PTPRD: variants seen among roughly 807,000 people sequenced by gnomAD.
PTPRD encodes receptor-type tyrosine-protein phosphatase delta.
PTPRD carries 34 observed loss-of-function variants against 214.5 expected under a neutral mutation model. The ratio of observed to expected loss-of-function variants is 0.16; its 90% CI spans 0.12 to 0.21. The LOEUF (loss-of-function observed/expected upper bound fraction) is 0.21. Among genes scored for constraint, PTPRD ranks in the 10% least tolerant of loss-of-function variants. The pLI, the probability that PTPRD is intolerant of heterozygous loss-of-function variation, is 1.00. For missense variants in PTPRD, 2,545 were observed against 2,398.7 expected, an observed-to-expected ratio of 1.06 and a Z score of -1.27; for synonymous variants, 1,128 against 845.7, an observed-to-expected ratio of 1.33 and a Z score of -5.79.
intron 9 of PTPRD, among the ~76,000 whole-genome samples, chr9:9,378,486 G>A (rs191881614): frequency 6.6e-6 from 1 of 152,172 alleles, no homozygotes; most frequent in East Asian, 1.9e-4. Flanking sequence ...ATAAACATCT[G>A]TGTGCAGGTT....
chr9:9,825,033 T>C (rs2052232583), intron 5 of PTPRD, among the ~76,000 whole-genome samples: 2 of 152,030 alleles, frequency 1.3e-5, no homozygotes, highest in South Asian at 2.1e-4. Context: ...TATTTGTTAG[T>C]AGCCATTTAT....
chr9:9,293,686 G>A (rs914376662), intron 9 of PTPRD, among the ~76,000 whole-genome samples: 5 of 151,442 alleles, frequency 3.3e-5, no homozygotes, highest in African/African-American at 7.3e-5. Context: ...CAGTGGATGT[G>A]AATCTCAAAT....
At chr9:8,520,120 A>T (rs1310893325) in intron 20 of PTPRD, among the ~76,000 whole-genome samples, 1 of 152,198 alleles carries the variant, frequency 6.6e-6, no homozygotes, top group African/African-American at 2.4e-5. Context: ...AAGCAAATAC[A>T]AATATTGCTA....
chr9:9,828,042 T>G (rs1045321188), intron 5 of PTPRD, among the ~76,000 whole-genome samples: 3 of 152,132 alleles, frequency 2.0e-5, no homozygotes, highest in Non-Finnish European at 2.9e-5. Context: ...AGGAACACTT[T>G]TACACTGTTG....
At chr9:9,191,516 G>A (rs1410952380) in intron 9 of PTPRD, among the ~76,000 whole-genome samples, 1 of 152,040 alleles carries the variant, frequency 6.6e-6, no homozygotes. Flanking sequence ...TGCTATATTG[G>A]GGATAATTTG....
At chr9:9,992,908 C>A (rs1229578081) in intron 4 of PTPRD, among the ~76,000 whole-genome samples, 1 of 151,842 alleles carries the variant, frequency 6.6e-6, no homozygotes, top group Non-Finnish European at 1.5e-5. Flanking sequence ...ATGTTACAAA[C>A]CTGCACGTTG....
chr9:9,410,676 A>G (rs2075106091), intron 8 of PTPRD, among the ~76,000 whole-genome samples: 1 of 152,190 alleles, frequency 6.6e-6, no homozygotes, highest in African/African-American at 2.4e-5. Flanking sequence ...AAAAGACACC[A>G]TAAAGCAACC....
chr9:8,935,246 T>A (rs967096845), intron 11 of PTPRD, among the ~76,000 whole-genome samples: 2 of 152,074 alleles, frequency 1.3e-5, no homozygotes, highest in Non-Finnish European at 2.9e-5. Flanking sequence ...AATAAAAAAA[T>A]TCAGTAAAGT....
intron 8 of PTPRD, among the ~76,000 whole-genome samples, chr9:9,482,459 A>C (rs539710008): frequency 6.6e-6 from 1 of 152,264 alleles, no homozygotes; most frequent in African/African-American, 2.4e-5. Context: ...TAATCTTTGT[A>C]CCCACACATG....
chr9:8,991,357 G>A (rs1351419611), intron 11 of PTPRD, among the ~76,000 whole-genome samples: 1 of 152,096 alleles, frequency 6.6e-6, no homozygotes, highest in Non-Finnish European at 1.5e-5. Flanking sequence ...TTTTGTTATA[G>A]GAGTGTCAGC....
chr9:8,969,367 T>C (rs2154330419), intron 11 of PTPRD, among the ~76,000 whole-genome samples: 1 of 152,212 alleles, frequency 6.6e-6, no homozygotes, highest in African/African-American at 2.4e-5. Context: ...AAGCCACTCC[T>C]GAGCATATAT....
chr9:9,111,866 G>A (rs1050246492), intron 10 of PTPRD, among the ~76,000 whole-genome samples: 1 of 152,020 alleles, frequency 6.6e-6, no homozygotes, highest in African/African-American at 2.4e-5. Flanking sequence ...TCCACTGCAT[G>A]ATACAAAACA....
rs1301128216 is a variant in PTPRD at position 9,367,956 on chromosome 9, G to C, written c.-203+29493C>G. Among the ~76,000 whole-genome samples, 4 of 151,872 alleles carry C rather than the reference G, an allele frequency of 2.6e-5. No homozygotes were observed. In the East Asian group the frequency reaches 5.9e-4, roughly 22 times the overall value. Reference sequence around the variant, plus strand: ...CATGAGTGCCCAATAGGTCATATGAGGAACAACTGGGTGACATCGTATATG... The same window carrying C: ...CATGAGTGCCCAATAGGTCATATGACGAACAACTGGGTGACATCGTATATG... On this transcript the variant is annotated intron_variant, in intron 9 of 45. Transcript: ENST00000381196.
intron 11 of PTPRD, among the ~76,000 whole-genome samples, chr9:8,978,871 G>A (rs1231205363): frequency 3.9e-5 from 6 of 152,142 alleles, no homozygotes; most frequent in Non-Finnish European, 8.8e-5. Flanking sequence ...TACTGCTAAT[G>A]ATTCCTGAAA....
chr9:9,954,723 T>C (rs2093761495), intron 4 of PTPRD, among the ~76,000 whole-genome samples: 1 of 152,134 alleles, frequency 6.6e-6, no homozygotes, highest in Non-Finnish European at 1.5e-5. Flanking sequence ...ATTTTTTATA[T>C]CAATTTCTGT....
intron 9 of PTPRD, among the ~76,000 whole-genome samples, chr9:9,361,536 T>G (rs908566472): frequency 3.3e-5 from 5 of 151,056 alleles, no homozygotes; most frequent in Non-Finnish European, 7.4e-5. Flanking sequence ...TTTTTTTTAT[T>G]GATACATAAC....
intron 5 of PTPRD, among the ~76,000 whole-genome samples, chr9:9,790,020 C>T (rs1457565550): frequency 2.0e-5 from 3 of 151,962 alleles, no homozygotes; most frequent in Admixed American, 2.0e-4. Context: ...AATTTCTTAA[C>T]TTCATGGGAT....
intron 11 of PTPRD, among the ~76,000 whole-genome samples, chr9:8,842,508 G>A (rs895722289): frequency 6.6e-6 from 1 of 152,054 alleles, no homozygotes; most frequent in Non-Finnish European, 1.5e-5. Context: ...TATTTGATAT[G>A]GCTGTTCCAT....
chr9:10,303,260 C>T (rs932074474), intron 3 of PTPRD, among the ~76,000 whole-genome samples: 1 of 152,086 alleles, frequency 6.6e-6, no homozygotes, highest in African/African-American at 2.4e-5. Flanking sequence ...ACATTTAAAG[C>T]AGTGTTTAGG....
Sources: gnomAD v4.1 joint callset for allele counts (sites outside exome capture counted in the v4.1 genomes callset) on GRCh38, gnomAD v4.1.1 for gene constraint, MANE v1.5 for transcripts, NCBI Gene and HGNC (gene_info 2026-07-23, HGNC 2026-07-21) for gene names.